Variants in TUSC3 observed in about 807,000 individuals in gnomAD.
The protein encoded by TUSC3 is tumor suppressor candidate 3.
A neutral mutation model predicts 44.8 loss-of-function variants in TUSC3; 45 were observed. The observed-to-expected ratio is 1.00, with a 90% CI of 0.79 to 1.29. The LOEUF (loss-of-function observed/expected upper bound fraction) is 1.29. Ranked by LOEUF, TUSC3 falls within the 50% of genes most tolerant of loss-of-function variation. The pLI, the probability that TUSC3 is intolerant of heterozygous loss-of-function variation, is 0.00. For synonymous variants in TUSC3, 212 were observed against 152.9 expected (o/e 1.39, Z -2.85); for missense variants, 519 against 437.9 (o/e 1.19, Z -1.65).
the TUSC3 span, chr8:15,806,590 A>T: frequency 6.8e-7 from 1 of 1,467,010 alleles, no homozygotes; most frequent in South Asian, 1.1e-5. Flanking sequence ...TATCACATGC[A>T]AGGATAATGA....
rs1203560290 is a variant in TUSC3 at position 15,764,665 on chromosome 8, AC to A, written c.*510del. On this transcript the variant is annotated 3_prime_UTR_variant, in exon 11 of 11. Coordinates refer to ENST00000503731, the MANE Select transcript of TUSC3 (RefSeq NM_006765.4). The stretch of plus-strand genomic sequence containing the variant: ...TCAGTTATAAAGGACGTGCACTGTT[AC>A]GAATAGTGTTTTGTTATTAATTATA... The A allele has an allele frequency of 6.0e-6, 1 of 167,364 alleles. No individual in the cohort carries two copies. The highest frequency in any genetic ancestry group is 1.3e-5 in the Non-Finnish European group (1 of 77,046). The allele number at this position is 167,364 out of a possible 1,614,324, so 10.4% of individuals were successfully genotyped here.
chr8:15,555,694 A>C (rs1346331826), intron 1 of TUSC3, among the ~76,000 whole-genome samples: 1 of 151,644 alleles, frequency 6.6e-6, no homozygotes, highest in Non-Finnish European at 1.5e-5. Flanking sequence ...GAATCAGATA[A>C]GCCCTTTCAT....
At chr8:15,830,130 G>A in the TUSC3 span, among the ~76,000 whole-genome samples, 1 of 150,640 alleles carries the variant, frequency 6.6e-6, no homozygotes, top group Admixed American at 6.6e-5. Context: ...TGCCCACTTT[G>A]TAAAGAGGTT....
chr8:15,575,490 G>T (rs1803062849), intron 1 of TUSC3, among the ~76,000 whole-genome samples: 1 of 152,144 alleles, frequency 6.6e-6, no homozygotes, highest in South Asian at 2.1e-4. Context: ...TGAGGGCTGG[G>T]TATGGTGGCT....
the TUSC3 span, among the ~76,000 whole-genome samples, chr8:15,777,487 A>T: frequency 2.6e-5 from 4 of 152,218 alleles, no homozygotes; most frequent in African/African-American, 4.8e-5. Flanking sequence ...ACACATGAAC[A>T]TATAATTCAA....
chr8:15,531,681 C>T (rs1380116452), intron 2 of TUSC3, among the ~76,000 whole-genome samples: 1 of 152,198 alleles, frequency 6.6e-6, no homozygotes, highest in African/African-American at 2.4e-5. Flanking sequence ...TGTTGCAGAC[C>T]TGTATGAATT....
At chr8:15,812,390 G>A in the TUSC3 span, among the ~76,000 whole-genome samples, 1 of 152,150 alleles carries the variant, frequency 6.6e-6, no homozygotes, top group African/African-American at 2.4e-5. Flanking sequence ...AAAACTACCA[G>A]GACCATAATT....
the TUSC3 span, among the ~76,000 whole-genome samples, chr8:15,827,758 C>T: frequency 2.6e-5 from 4 of 152,054 alleles, no homozygotes; most frequent in Admixed American, 2.6e-4. Flanking sequence ...CTGAGTCTCA[C>T]TGATAACTGA....
rs543954067 is a variant in TUSC3, at chr8:15,664,514, T to G, written c.708+2218T>G. Among the ~76,000 whole-genome samples the G allele has an allele frequency of 2.0e-3, 302 of 149,024 alleles. 2 individuals are homozygous for G. Among genetic ancestry groups the G allele is most frequent in the African/African-American group, 7.1e-3 (291 of 41,122 alleles). ...TTTACTGTGAATCTTGGAAAGCGAA[T>G]TAACTTGGCATGGCAGAAGATAAAT... On this transcript the variant is annotated intron_variant, in intron 5 of 10. Transcript: ENST00000503731.
At chr8:15,692,375 G>GTTTTTTTTTTTTTTTTTTTT (rs59838929) in intron 6 of TUSC3, among the ~76,000 whole-genome samples, 4 of 68,340 alleles carry the variant, frequency 5.9e-5, no homozygotes, top group Non-Finnish European at 7.7e-5. Context: ...CCCCCCCTTT[G>GTTTTTTTTTTTTTTTTTTTT]TTTTTTTTTT....
chr8:15,661,738 GCA>G (rs1376220366), intron 4 of TUSC3, among the ~76,000 whole-genome samples: 1 of 151,796 alleles, frequency 6.6e-6, no homozygotes, highest in Admixed American at 6.6e-5. Flanking sequence ...CAAAAAAGTA[GCA>G]CACAGAATGG....
intron 6 of TUSC3, among the ~76,000 whole-genome samples, chr8:15,694,734 C>T (rs775598407): frequency 8.5e-5 from 13 of 152,076 alleles, no homozygotes; most frequent in Non-Finnish European, 1.8e-4. Context: ...AGCTGCATGC[C>T]CTAACTCTGG....
chr8:15,642,539 C>T (rs912071554), intron 2 of TUSC3, among the ~76,000 whole-genome samples: 4 of 152,048 alleles, frequency 2.6e-5, no homozygotes, highest in Non-Finnish European at 4.4e-5. Flanking sequence ...TTGTGTCTAC[C>T]TTTTTGATTC....
chr8:15,585,834 C>G (rs1347816051), intron 1 of TUSC3, among the ~76,000 whole-genome samples: 1 of 152,194 alleles, frequency 6.6e-6, no homozygotes, highest in Non-Finnish European at 1.5e-5. Context: ...CCCACCCTAA[C>G]TGCCTGCGTG....
At chr8:15,616,823 G>C (rs950773421) in intron 1 of TUSC3, among the ~76,000 whole-genome samples, 2 of 152,088 alleles carry the variant, frequency 1.3e-5, no homozygotes, top group Non-Finnish European at 2.9e-5. Flanking sequence ...CCCTCATCCA[G>C]ATGTCGATTT....
intron 7 of TUSC3, among the ~76,000 whole-genome samples, chr8:15,737,338 A>G (rs1810979540): frequency 6.6e-6 from 1 of 152,268 alleles, no homozygotes; most frequent in Admixed American, 6.5e-5. Flanking sequence ...CAGTAAACTT[A>G]GCATATGCAA....
chr8:15,650,870 T>A, intron 3 of TUSC3, 56 bp downstream of exon 3: 1 of 1,559,514 alleles, frequency 6.4e-7, no homozygotes, highest in Non-Finnish European at 8.8e-7. Context: ...GTCGATACAT[T>A]TTTGTTTGTC....
intron 1 of TUSC3, among the ~76,000 whole-genome samples, chr8:15,616,698 G>A (rs1329789317): frequency 2.0e-5 from 3 of 152,190 alleles, no homozygotes; most frequent in Admixed American, 6.5e-5. Flanking sequence ...GAAGGAGAGA[G>A]CGCTACAACA....
At chr8:15,565,919 G>C (rs1319613612) in intron 1 of TUSC3, among the ~76,000 whole-genome samples, 1 of 152,130 alleles carries the variant, frequency 6.6e-6, no homozygotes, top group Non-Finnish European at 1.5e-5. Context: ...TTTGGGGTCT[G>C]TCTGGTACTA....
Sources: allele counts gnomAD v4.1 joint callset (sites outside exome capture counted in the v4.1 genomes callset), GRCh38; gene constraint gnomAD v4.1.1; transcripts MANE v1.5; gene names NCBI Gene and HGNC (gene_info 2026-07-23, HGNC 2026-07-21).